Variants in IQSEC1 observed in about 807,000 individuals in gnomAD.
IQSEC1 encodes the protein IQ motif and Sec7 domain ArfGEF 1, also known as IQ motif and SEC7 domain-containing protein 1.
Under a neutral mutation model 91.0 loss-of-function variants are expected in IQSEC1, and 31 were observed. The ratio of observed to expected loss-of-function variants is 0.34; its 90% confidence interval spans 0.26 to 0.46. The LOEUF (loss-of-function observed/expected upper bound fraction) is 0.46. Ranked by LOEUF, IQSEC1 falls within the 20% of genes least tolerant of loss-of-function variation. IQSEC1 has a pLI of 1.00. For missense variants in IQSEC1, 1,388 were observed against 1,575.6 expected (o/e 0.88, Z 2.02); for synonymous variants, 699 against 662.6 (o/e 1.05, Z -0.84).
rs940401092 is a variant in IQSEC1, at chr3:12,994,601, G to A, written c.24-52736C>T. ...CCCCCGGCTCCTCCGAGGGAAAGCT[G>A]CAGCCCCGGCCGAAACGCCCCACCC... is the stretch of plus-strand genomic sequence containing the variant. On this transcript the variant is annotated intron_variant, in intron 1 of 13. Transcript: ENST00000613206. The surrounding 1 kb of genome is among the most constrained non-coding windows in gnomAD (Gnocchi z 4.5). 1.3e-5 allele frequency among the ~76,000 whole-genome samples: 2 copies of A among 152,118 alleles called. No homozygotes were observed. The highest frequency in any genetic ancestry group is 1.5e-5 in the Non-Finnish European group (1 of 68,012).
intron 1 of IQSEC1, among the ~76,000 whole-genome samples, chr3:12,956,998 C>T (rs1177792048): frequency 6.6e-6 from 1 of 152,212 alleles, no homozygotes; most frequent in Non-Finnish European, 1.5e-5. Flanking sequence ...AGGAAAGGCT[C>T]AACGCCCTTA....
At position 13,259,114 on chromosome 3, in the gene IQSEC1, G is replaced by T. The variant is rs1439524906; in HGVS notation, c.272+23597C>A. 6.6e-6 allele frequency among the ~76,000 whole-genome samples: 1 copy of T among 152,138 alleles called. No individual in the cohort carries two copies. Among genetic ancestry groups the T allele is most frequent in the East Asian group, 1.9e-4 (1 of 5,204 alleles). ...TCATCCAAGCTCAAATCTTCCCAAT[G>T]CTTCCCCACAGCAGCCAGAAAAAAA... On this transcript the variant is annotated intron_variant, in intron 1 of 15. Coordinates refer to the IQSEC1 transcript ENST00000648114. The surrounding 1 kb of genome is among the most constrained non-coding windows in gnomAD (Gnocchi z 4.6).
intron 1 of IQSEC1, among the ~76,000 whole-genome samples, chr3:13,256,508 G>A (rs1211942294): frequency 6.6e-6 from 1 of 152,186 alleles, no homozygotes; most frequent in African/African-American, 2.4e-5. Flanking sequence ...CCACCTGACA[G>A]ATAAGCAAAC....
intron 1 of IQSEC1, among the ~76,000 whole-genome samples, chr3:13,037,565 T>C (rs987434340): frequency 6.6e-6 from 1 of 152,138 alleles, no homozygotes; most frequent in Non-Finnish European, 1.5e-5. Context: ...TGCACACCCA[T>C]GTTCATAGCA....
intron 2 of IQSEC1, among the ~76,000 whole-genome samples, chr3:13,116,307 TTC>T (rs1461064849): frequency 6.6e-6 from 1 of 152,214 alleles, no homozygotes; most frequent in Admixed American, 6.5e-5. Flanking sequence ...GATCCTGATG[TTC>T]TCTGTCACAA....
At chr3:13,089,918 A>AATAT (rs1705807858) in intron 2 of IQSEC1, among the ~76,000 whole-genome samples, 1 of 152,238 alleles carries the variant, frequency 6.6e-6, no homozygotes, top group African/African-American at 2.4e-5. Flanking sequence ...CACTTTTAAA[A>AATAT]ACACTGTATA....
At chr3:12,977,241 G>C (rs960231579) in intron 1 of IQSEC1, among the ~76,000 whole-genome samples, 2 of 152,022 alleles carry the variant, frequency 1.3e-5, no homozygotes, top group African/African-American at 4.8e-5. Context: ...CCAGCTACTA[G>C]GGAGGTTGAG....
chr3:12,988,582 TA>T (rs1430469704), intron 1 of IQSEC1, among the ~76,000 whole-genome samples: 1 of 151,836 alleles, frequency 6.6e-6, no homozygotes, highest in African/African-American at 2.4e-5. Flanking sequence ...AAAGCAAAAT[TA>T]TATTGTAAAA....
At chr3:13,220,299 A>G (rs1300188440) in intron 1 of IQSEC1, among the ~76,000 whole-genome samples, 2 of 152,214 alleles carry the variant, frequency 1.3e-5, no homozygotes, top group African/African-American at 4.8e-5. Context: ...AAACTTGGAA[A>G]TGGTCACATA....
chr3:13,272,716 T>G (rs770391739), intron 1 of IQSEC1, among the ~76,000 whole-genome samples: 4 of 152,186 alleles, frequency 2.6e-5, no homozygotes, highest in Non-Finnish European at 4.4e-5. Context: ...TGTGAGCATG[T>G]CATGGGCTGT....
intron 1 of IQSEC1, among the ~76,000 whole-genome samples, chr3:13,265,119 C>T (rs1024008577): frequency 6.6e-5 from 10 of 152,192 alleles, no homozygotes; most frequent in Admixed American, 5.2e-4. Flanking sequence ...TGCGTCCCCT[C>T]AACCTGTCCA....
intron 1 of IQSEC1, among the ~76,000 whole-genome samples, chr3:13,243,316 C>T (rs995463335): frequency 1.3e-5 from 2 of 152,150 alleles, no homozygotes; most frequent in Non-Finnish European, 2.9e-5. Context: ...GTAAACAAGA[C>T]CCTGTGTGTC....
At chr3:13,045,893 C>T (rs1406617727) in intron 1 of IQSEC1, among the ~76,000 whole-genome samples, 1 of 152,214 alleles carries the variant, frequency 6.6e-6, no homozygotes, top group African/African-American at 2.4e-5. Context: ...CCAGTGTGAG[C>T]CCGCAAGCAC....
At chr3:13,095,147 G>A (rs967910221) in intron 2 of IQSEC1, among the ~76,000 whole-genome samples, 1 of 151,944 alleles carries the variant, frequency 6.6e-6, no homozygotes, top group Non-Finnish European at 1.5e-5. Flanking sequence ...CTGCCTGTGG[G>A]TGGACCCCAG....
intron 2 of IQSEC1, among the ~76,000 whole-genome samples, chr3:13,141,197 G>C (rs1706794701): frequency 6.6e-6 from 1 of 152,154 alleles, no homozygotes; most frequent in Admixed American, 6.5e-5. Flanking sequence ...GACTTGGGGA[G>C]AAAAATGAGG....
chr3:12,935,477 G>C lies in IQSEC1; in HGVS notation c.1539C>G (p.His513Gln). Residue 513 changes from histidine (H) to glutamine (Q), a missense_variant, in exon 3 of 14, where the codon CAC (histidine) becomes CAG (glutamine). His to Gln is a conservative substitution (Grantham distance 24). This residue lies in a region of IQSEC1 where 1,059 missense variants were observed against 1,317.8 expected (regional missense o/e 0.80). Coordinates refer to ENST00000613206, the MANE Select transcript of IQSEC1 (RefSeq NM_001134382.3). The surrounding 1 kb of genome is among the most constrained non-coding windows in gnomAD (Gnocchi z 8.0). ...AFSNDVIRKR[H>Q]YRIGLNLFNK... ...TGAAGAGGTTCAGGCCGATGCGGTA[G>C]TGCCTCTTGCGGATGACATCGTTGC... 70 of 1,613,550 alleles carry C rather than the reference G, an allele frequency of 4.3e-5. No individual in the cohort carries two copies. Among genetic ancestry groups the C allele is most frequent in the Non-Finnish European group, 5.8e-5 (68 of 1,179,584 alleles).
intron 1 of IQSEC1, among the ~76,000 whole-genome samples, chr3:13,246,468 C>A (rs528621449): frequency 8.7e-4 from 132 of 152,260 alleles, no homozygotes; most frequent in African/African-American, 3.1e-3. Flanking sequence ...TGGAGCTAAT[C>A]CCACTGGAGT....
intron 1 of IQSEC1, among the ~76,000 whole-genome samples, chr3:13,044,569 A>C (rs1704418177): frequency 6.6e-6 from 1 of 152,210 alleles, no homozygotes; most frequent in African/African-American, 2.4e-5. Flanking sequence ...AAGACACCCC[A>C]ACTTGGGCTG....
chr3:12,995,742 G>A (rs1238654508), intron 1 of IQSEC1, among the ~76,000 whole-genome samples: 3 of 152,220 alleles, frequency 2.0e-5, no homozygotes, highest in East Asian at 1.9e-4. Context: ...TTCCTGCCTC[G>A]TGGCAAGAGT....
Sources: gnomAD v4.1 joint callset for allele counts (sites outside exome capture counted in the v4.1 genomes callset) on GRCh38, gnomAD v4.1.1 for gene constraint, gnomAD v4.1.1 regional missense constraint, Gnocchi (gnomAD v3.1) non-coding constraint, MANE v1.5 for transcripts, NCBI Gene and HGNC (gene_info 2026-07-23, HGNC 2026-07-21) for gene names.